RFX3: variants seen among roughly 807,000 people sequenced by gnomAD.
RFX3 encodes the protein transcription factor RFX3.
Under a neutral mutation model 98.6 loss-of-function variants are expected in RFX3, and 14 were observed. The observed-to-expected ratio is 0.14, with a 90% CI of 0.09 to 0.22. RFX3 has a LOEUF of 0.22. RFX3 is among the 10% of genes least tolerant of loss of function. The pLI, the probability that RFX3 is intolerant of heterozygous loss-of-function variation, is 1.00. For synonymous variants in RFX3, 383 were observed against 328.4 expected, an observed-to-expected ratio of 1.17 and a Z score of -1.80; for missense variants, 639 against 926.9, an observed-to-expected ratio of 0.69 and a Z score of 4.03.
chr9:3,360,987 A>G (rs1295278312), intron 2 of RFX3, among the ~76,000 whole-genome samples: 1 of 152,216 alleles, frequency 6.6e-6, no homozygotes, highest in Non-Finnish European at 1.5e-5. Context: ...CCTTTCACAC[A>G]GAAGAGCATT....
intron 3 of RFX3, among the ~76,000 whole-genome samples, chr9:3,339,548 T>C (rs1453173445): frequency 6.6e-6 from 1 of 152,160 alleles, no homozygotes; most frequent in Admixed American, 6.5e-5. Flanking sequence ...CACCAAGTAG[T>C]CAGCTCCTGT....
intron 4 of RFX3, among the ~76,000 whole-genome samples, chr9:3,307,110 G>A (rs1399865485): frequency 6.6e-6 from 1 of 152,086 alleles, no homozygotes; most frequent in African/African-American, 2.4e-5. Context: ...GATGTGACTT[G>A]CTCCTTCTTG....
At chr9:3,454,768 T>C (rs1242506620) in intron 1 of RFX3, among the ~76,000 whole-genome samples, 1 of 152,222 alleles carries the variant, frequency 6.6e-6, no homozygotes, top group South Asian at 2.1e-4. Flanking sequence ...TTTTATATAA[T>C]GCTTTACAGT....
rs1563796924 is a variant in RFX3 at position 3,247,939 on chromosome 9, C to CTGA, written c.1968+92_1968+93insTCA. 3 of 1,612,994 alleles carry CTGA rather than the reference C, an allele frequency of 1.9e-6. No individual in the cohort carries two copies. In the African/African-American group the frequency reaches 4.0e-5, roughly 22 times the overall value. On this transcript the variant is annotated intron_variant, in intron 15 of 16. Transcript: ENST00000617270. ...CTCTGAGGCTGACTTGGTTAGGAAC[C>CTGA]ATGGTTTTAATCAATAATGTATTTA...
rs76590351 is a variant in RFX3, at chr9:3,452,636, C to A, written c.-8-57040G>T. On this transcript the variant is annotated intron_variant, in intron 1 of 16. Coordinates refer to ENST00000617270, the MANE Select transcript of RFX3 (RefSeq NM_001282116.2). ...TGGAAGAATAACCACAATTTAGATA[C>A]AATGGTTGCTTCTGTGTGGGGGAAT... Among the ~76,000 whole-genome samples, 1,372 of 152,244 alleles carry A rather than the reference C, an allele frequency of 9.0e-3. 17 individuals carry two copies. The highest frequency in any genetic ancestry group is 0.027 in the African/African-American group (1,133 of 41,548).
At chr9:3,379,081 G>A (rs894185311) in intron 2 of RFX3, among the ~76,000 whole-genome samples, 8 of 152,202 alleles carry the variant, frequency 5.3e-5, no homozygotes, top group Non-Finnish European at 1.0e-4. Flanking sequence ...AACATTTACT[G>A]AGGACCCATT....
intron 1 of RFX3, among the ~76,000 whole-genome samples, chr9:3,461,134 A>G (rs907858728): frequency 6.6e-6 from 1 of 151,290 alleles, no homozygotes; most frequent in Non-Finnish European, 1.5e-5. Context: ...GATAGACAAA[A>G]TACATGTAGC....
At chr9:3,470,318 CTT>C (rs1022376234) in intron 1 of RFX3, among the ~76,000 whole-genome samples, 20 of 142,248 alleles carry the variant, frequency 1.4e-4, no homozygotes, top group East Asian at 2.0e-4. Flanking sequence ...TTTCTTTTTC[CTT>C]TTTTTTTTTT....
At chr9:3,253,474 T>C (rs1821701779) in intron 14 of RFX3, among the ~76,000 whole-genome samples, 1 of 152,274 alleles carries the variant, frequency 6.6e-6, no homozygotes, top group African/African-American at 2.4e-5. Flanking sequence ...AAGAATGCTC[T>C]CTTCTGTTAT....
At position 3,218,899 on chromosome 9, in the gene RFX3, T is replaced by C. The variant is rs1444274678; in HGVS notation, c.*6143A>G. 1.3e-5 allele frequency: 2 copies of C among 152,174 alleles called. No homozygotes were observed. The highest frequency in any genetic ancestry group is 1.9e-4 in the East Asian group (1 of 5,184). 9.4% of individuals were successfully genotyped at this position (152,174 alleles called of 1,614,324 possible). A position where few individuals can be genotyped will look rare whatever the true frequency, so the allele number is the denominator to read the frequency against. On this transcript the variant is annotated 3_prime_UTR_variant, in exon 17 of 17. Transcript: ENST00000617270. ...CACTTACTAAGTGAAATTTAAATGA[T>C]GGCACTTAAAAAAAAATACAGTATC...
intron 1 of RFX3, among the ~76,000 whole-genome samples, chr9:3,440,618 T>C (rs1378053723): frequency 1.3e-5 from 2 of 152,186 alleles, no homozygotes; most frequent in Non-Finnish European, 2.9e-5. Flanking sequence ...AACTTGTTCA[T>C]GGGTTACATG....
chr9:3,449,297 A>C (rs1410032583), intron 1 of RFX3, among the ~76,000 whole-genome samples: 1 of 152,098 alleles, frequency 6.6e-6, no homozygotes, highest in Non-Finnish European at 1.5e-5. Context: ...CCATCTCTAC[A>C]CTAAGCTCCA....
At chr9:3,278,033 A>C (rs2131432936) in intron 7 of RFX3, among the ~76,000 whole-genome samples, 1 of 151,970 alleles carries the variant, frequency 6.6e-6, no homozygotes, top group East Asian at 1.9e-4. Flanking sequence ...TTTGTAGCAA[A>C]ATATATGCAA....
intron 1 of RFX3, among the ~76,000 whole-genome samples, chr9:3,459,150 C>T (rs1229998821): frequency 6.6e-6 from 1 of 152,112 alleles, no homozygotes; most frequent in Non-Finnish European, 1.5e-5. Context: ...ATGAATCTTG[C>T]ATTACACCAA....
intron 3 of RFX3, among the ~76,000 whole-genome samples, chr9:3,341,082 T>G (rs901483489): frequency 5.9e-5 from 9 of 152,084 alleles, no homozygotes; most frequent in African/African-American, 1.4e-4. Flanking sequence ...CCATAAAAAA[T>G]GATGAGTTCA....
intron 1 of RFX3, among the ~76,000 whole-genome samples, chr9:3,495,894 C>T (rs1339477688): frequency 2.0e-5 from 3 of 152,108 alleles, no homozygotes; most frequent in South Asian, 4.1e-4. Context: ...AAATTAAATG[C>T]CTTTATGGTC....
intron 3 of RFX3, among the ~76,000 whole-genome samples, chr9:3,332,547 C>A (rs1220527269): frequency 2.0e-5 from 3 of 152,142 alleles, no homozygotes; most frequent in Admixed American, 2.0e-4. Context: ...ATCAGTTGCT[C>A]TTGCAATCTA....
intron 1 of RFX3, among the ~76,000 whole-genome samples, chr9:3,457,315 C>T (rs1847281930): frequency 6.6e-6 from 1 of 151,926 alleles, no homozygotes; most frequent in Non-Finnish European, 1.5e-5. Flanking sequence ...CATAATGGTT[C>T]AAAGATTACC....
chr9:3,460,547 A>T (rs928859391), intron 1 of RFX3, among the ~76,000 whole-genome samples: 2 of 152,024 alleles, frequency 1.3e-5, no homozygotes, highest in African/African-American at 4.8e-5. Context: ...ATAATTTTCA[A>T]TGTTCAATTT....
Sources: allele counts gnomAD v4.1 joint callset (sites outside exome capture counted in the v4.1 genomes callset), GRCh38; gene constraint gnomAD v4.1.1; transcripts MANE v1.5; gene names NCBI Gene and HGNC (gene_info 2026-07-23, HGNC 2026-07-21).